Variants in SLF2 observed in about 807,000 individuals in gnomAD.
SLF2 encodes the protein SMC5-SMC6 complex localization factor protein 2.
In SLF2, 68 loss-of-function variants were observed where a neutral mutation model predicts 124.3. The ratio of observed to expected loss-of-function variants is 0.55; its 90% CI spans 0.45 to 0.67. The LOEUF is 0.67. Ranked by LOEUF, SLF2 falls within the 30% of genes least tolerant of loss-of-function variation. SLF2 has a pLI of 0.00. For missense variants in SLF2, 1,246 were observed against 1,373.7 expected (o/e 0.91, Z 1.47); for synonymous variants, 480 against 478.8 (o/e 1.00, Z -0.03).
intron 11 of SLF2, 84 bp downstream of exon 11, chr10:100,938,820 T>A: frequency 2.4e-6 from 3 of 1,258,176 alleles, no homozygotes; most frequent in Non-Finnish European, 3.2e-6. Context: ...AATATTTATT[T>A]CTGATTTTTA....
At chr10:100,925,913 C>T (rs1849602383) in intron 5 of SLF2, 36 bp from the exon 6 acceptor site, 4 of 1,530,962 alleles carry the variant, frequency 2.6e-6, no homozygotes, top group Non-Finnish European at 3.5e-6. Context: ...TCTACTAAGA[C>T]ATGTGGTAAA....
intron 18 of SLF2, among the ~76,000 whole-genome samples, chr10:100,958,129 T>C (rs1341918520): frequency 6.6e-6 from 1 of 152,224 alleles, no homozygotes; most frequent in Non-Finnish European, 1.5e-5. Flanking sequence ...GATTATCTTT[T>C]AGCTTTGATA....
intron 14 of SLF2, 136 bp from the exon 15 acceptor site, chr10:100,947,624 A>G (rs1850129100): frequency 7.5e-6 from 4 of 535,060 alleles, no homozygotes; most frequent in Non-Finnish European, 1.3e-5. Context: ...AACAGCTTAT[A>G]TGTTCCTGTA....
chr10:100,939,395 G>A (rs1385162073), intron 11 of SLF2, among the ~76,000 whole-genome samples: 6 of 150,752 alleles, frequency 4.0e-5, no homozygotes, highest in Non-Finnish European at 1.5e-5. Flanking sequence ...AAAAAGGTGG[G>A]GGCCAGGCAT....
intron 18 of SLF2, 46 bp downstream of exon 18, chr10:100,956,583 G>A: frequency 7.2e-7 from 1 of 1,397,638 alleles, no homozygotes. Context: ...CTTAATCTTG[G>A]TTACGTTAAT....
Position 100,916,876 on chromosome 10 carries a change from T to C in SLF2, c.491T>C (p.Leu164Pro), listed in dbSNP as rs760620467. The C allele has an allele frequency of 1.2e-6, 2 of 1,614,106 alleles. No homozygotes were observed. The highest frequency in any genetic ancestry group is 4.5e-5 in the East Asian group (2 of 44,882). The change falls in exon 3 of 20, where the codon CTA (leucine) becomes CCA (proline). Residue 164 changes from leucine (L) to proline (P), a missense_variant. Around this residue, in one of 3 missense-constraint regions of SLF2, gnomAD observed 698 missense variants for 708.9 expected, o/e 0.98. Transcript: ENST00000238961. ...CACTTGCCAAAGGAGATGAAGTCAC[T>C]AAAGAAAAAACATCGATCCCCAGAG... ...SYHLPKEMKS[L>P]KKKHRSPERR... is the part of the protein sequence containing the mutation.
chr10:100,914,164 CA>C (rs1849372722), intron 1 of SLF2, among the ~76,000 whole-genome samples: 1 of 152,208 alleles, frequency 6.6e-6, no homozygotes, highest in African/African-American at 2.4e-5. Flanking sequence ...TTACAGGTTG[CA>C]GCACCAGACC....
Position 100,938,638 on chromosome 10 carries a change from G to T in SLF2, c.2556G>T (p.Leu852Phe). The T allele has an allele frequency of 6.2e-7, 1 of 1,612,620 alleles. No homozygotes were observed. The highest frequency in any genetic ancestry group is 1.1e-5 in the South Asian group (1 of 90,854). ...CAGTTTGGCCATGGATCCCATCATT[G>T]TCTGATGTAGCAGCTGTGTTTTTCA... ...DSPVWPWIPSLSDVAAVFFNM... is the reference protein window; with the variant it reads ...DSPVWPWIPSFSDVAAVFFNM... Residue 852 changes from leucine to phenylalanine, a missense_variant, in exon 11 of 20, where the codon TTG becomes TTT. Coordinates refer to ENST00000238961, the MANE Select transcript of SLF2 (RefSeq NM_018121.4).
Position 100,962,010 on chromosome 10 carries a change from AG to A in SLF2, c.*99del. The A allele has an allele frequency of 8.7e-7, 1 of 1,146,358 alleles. No individual in the cohort carries two copies. Among genetic ancestry groups the A allele is most frequent in the Non-Finnish European group, 1.2e-6 (1 of 801,578 alleles). 71.0% of individuals were successfully genotyped at this position (1,146,358 alleles called of 1,614,324 possible). ...TTATTACAGAATCCAATGAATGCCA[AG>A]AAAATGTACAGCAAATGTGCCACTT... is the stretch of plus-strand genomic sequence containing the variant. On this transcript the variant is annotated 3_prime_UTR_variant, in exon 20 of 20. Coordinates refer to ENST00000238961, the MANE Select transcript of SLF2 (RefSeq NM_018121.4).
chr10:100,923,293 G>A (rs1564771559), intron 4 of SLF2, among the ~76,000 whole-genome samples: 1 of 152,106 alleles, frequency 6.6e-6, no homozygotes, highest in Non-Finnish European at 1.5e-5. Flanking sequence ...TAATGTCTCT[G>A]GCAACTCTAG....
intron 15 of SLF2, 70 bp from the exon 16 acceptor site, chr10:100,950,006 A>G (rs1850179230): frequency 7.2e-7 from 1 of 1,397,074 alleles, no homozygotes; most frequent in East Asian, 2.4e-5. Flanking sequence ...TACACACTGG[A>G]AAAAAATAGC....
rs946162350 is a variant in SLF2 at position 100,963,158 on chromosome 10, T to TG, written c.*1253dup. On this transcript the variant is annotated 3_prime_UTR_variant, in exon 20 of 20. Coordinates refer to ENST00000238961, the MANE Select transcript of SLF2 (RefSeq NM_018121.4). ...CTGAGTGCTCTAGTGTCTCCAGTTG[T>TG]GGGGGGGAAAGATGATGGAGGGGAA... 1.1e-4 allele frequency: 17 copies of TG among 152,410 alleles called. No homozygotes were observed. Among genetic ancestry groups the TG allele is most frequent in the South Asian group, 6.2e-4 (3 of 4,802 alleles). The allele number at this position is 152,410 out of a possible 1,614,324, so 9.4% of individuals were successfully genotyped here.
chr10:100,956,561 CTT>C (rs368524733), intron 18 of SLF2, 24 bp downstream of exon 18: 18 of 1,228,386 alleles, frequency 1.5e-5, no homozygotes, highest in South Asian at 3.1e-5. Flanking sequence ...TTCTTTTTTT[CTT>C]TTTTTTTTTC....
chr10:100,945,777 A>AAGGC (rs749659201), intron 13 of SLF2, among the ~76,000 whole-genome samples: 54 of 152,346 alleles, frequency 3.5e-4, no homozygotes, highest in Non-Finnish European at 7.2e-4. Flanking sequence ...TGAGCTGTGA[A>AAGGC]AGAGACAAAG....
At chr10:100,951,835 G>A (rs567600763) in intron 17 of SLF2, among the ~76,000 whole-genome samples, 4 of 152,338 alleles carry the variant, frequency 2.6e-5, no homozygotes, top group African/African-American at 9.6e-5. Flanking sequence ...CTTTGGAAAT[G>A]CATTTCTAAT....
intron 4 of SLF2, 42 bp from the exon 5 acceptor site, chr10:100,923,933 G>A (rs1360037538): frequency 9.1e-6 from 13 of 1,427,794 alleles, no homozygotes; most frequent in African/African-American, 1.4e-5. Context: ...ACTAAAGTTG[G>A]AAAGTATATT....
At position 100,913,037 on chromosome 10, in the gene SLF2, C is replaced by G; in HGVS notation, c.-74C>G. The G allele has an allele frequency of 6.5e-7, 1 of 1,541,496 alleles. No homozygotes were observed. Among genetic ancestry groups the G allele is most frequent in the Non-Finnish European group, 8.8e-7 (1 of 1,132,072 alleles). ...TCTGCTCCGACAGCCTCCCGGAGTCCCAGCAGCAAGACGGCAACCACGCAC... is the reference window on the plus strand; with the variant it reads ...TCTGCTCCGACAGCCTCCCGGAGTCGCAGCAGCAAGACGGCAACCACGCAC... On this transcript the variant is annotated 5_prime_UTR_variant, in exon 1 of 20. Coordinates refer to ENST00000238961, the MANE Select transcript of SLF2 (RefSeq NM_018121.4).
intron 15 of SLF2, among the ~76,000 whole-genome samples, chr10:100,948,885 C>CA (rs1217580073): frequency 6.6e-6 from 1 of 151,784 alleles, no homozygotes; most frequent in Non-Finnish European, 1.5e-5. Flanking sequence ...GACTCTGTCT[C>CA]AAAAAAAAGC....
chr10:100,915,089 C>T (rs926113028), intron 1 of SLF2, among the ~76,000 whole-genome samples: 8 of 152,184 alleles, frequency 5.3e-5, no homozygotes, highest in Non-Finnish European at 1.2e-4. Context: ...TCCTATTTCA[C>T]TTTAGCATTA....
Sources: allele counts gnomAD v4.1 joint callset (sites outside exome capture counted in the v4.1 genomes callset), GRCh38; gene constraint gnomAD v4.1.1; regional missense constraint gnomAD v4.1.1; transcripts MANE v1.5; gene names NCBI Gene and HGNC (gene_info 2026-07-23, HGNC 2026-07-21).